Variants in TENM4 observed in about 807,000 individuals in gnomAD.
TENM4 encodes the protein teneurin-4.
Under a neutral mutation model 243.3 loss-of-function variants are expected in TENM4, and 82 were observed. The ratio of observed to expected loss-of-function variants is 0.34; its 90% CI spans 0.28 to 0.40. The LOEUF is 0.40. Ranked by LOEUF, TENM4 falls within the 10% of genes least tolerant of loss-of-function variation. The pLI, the probability that TENM4 is intolerant of heterozygous loss-of-function variation, is 1.00. For synonymous variants in TENM4, 1,412 were observed against 1,456.3 expected (o/e 0.97, Z 0.69); for missense variants, 3,138 against 3,673.3 (o/e 0.85, Z 3.77).
At chr11:78,709,261 G>A (rs1002028243) in intron 26 of TENM4, among the ~76,000 whole-genome samples, 2 of 151,634 alleles carry the variant, frequency 1.3e-5, no homozygotes, top group Non-Finnish European at 2.9e-5. Flanking sequence ...CACCATGCCC[G>A]GCCCGTCCTT....
chr11:78,877,767 C>A (rs1332777140), intron 9 of TENM4, among the ~76,000 whole-genome samples: 4 of 152,176 alleles, frequency 2.6e-5, no homozygotes, highest in African/African-American at 9.7e-5. Context: ...TTTCCAAACT[C>A]AGAAACTGCT....
At chr11:78,928,814 A>G (rs1856607657) in intron 6 of TENM4, among the ~76,000 whole-genome samples, 1 of 152,250 alleles carries the variant, frequency 6.6e-6, no homozygotes, top group Non-Finnish European at 1.5e-5. Flanking sequence ...TCTAGGTGCC[A>G]TCACTTACTA....
At chr11:78,897,534 C>G (rs1408975358) in intron 7 of TENM4, among the ~76,000 whole-genome samples, 2 of 152,172 alleles carry the variant, frequency 1.3e-5, no homozygotes, top group Non-Finnish European at 2.9e-5. Flanking sequence ...AGTAAGGGCT[C>G]TCTCTACTGC....
chr11:79,239,845 A>G (rs1864554694), intron 2 of TENM4, among the ~76,000 whole-genome samples: 1 of 152,186 alleles, frequency 6.6e-6, no homozygotes, highest in African/African-American at 2.4e-5. Context: ...AAGATAGGAA[A>G]GACCACGCGC....
chr11:78,746,517 A>G (rs1352410007), intron 19 of TENM4, among the ~76,000 whole-genome samples: 1 of 152,234 alleles, frequency 6.6e-6, no homozygotes, highest in Non-Finnish European at 1.5e-5. Flanking sequence ...GTCCTCTCCC[A>G]TAGGAATCTT....
intron 6 of TENM4, among the ~76,000 whole-genome samples, chr11:79,050,452 T>A (rs563691500): frequency 6.6e-6 from 1 of 152,300 alleles, no homozygotes; most frequent in South Asian, 2.1e-4. Flanking sequence ...TCACTTCTAA[T>A]TGCTGTCTAA....
intron 15 of TENM4, among the ~76,000 whole-genome samples, chr11:78,797,792 T>C (rs573039792): frequency 1.3e-5 from 2 of 152,378 alleles, no homozygotes; most frequent in Admixed American, 1.3e-4. Flanking sequence ...GATTTCAGGC[T>C]ATCACTTGCT....
intron 1 of TENM4, among the ~76,000 whole-genome samples, chr11:79,311,310 G>A (rs1856717932): frequency 6.6e-6 from 1 of 152,180 alleles, no homozygotes; most frequent in Non-Finnish European, 1.5e-5. Context: ...CTGTGCCTAT[G>A]CCTCACAGGA....
At chr11:79,040,847 T>C (rs1859504949) in intron 6 of TENM4, among the ~76,000 whole-genome samples, 1 of 152,170 alleles carries the variant, frequency 6.6e-6, no homozygotes, top group Admixed American at 6.5e-5. Flanking sequence ...AAGAAGCACC[T>C]GGGAAGTTTA....
At chr11:78,990,938 T>A (rs1858027668) in intron 6 of TENM4, among the ~76,000 whole-genome samples, 1 of 152,228 alleles carries the variant, frequency 6.6e-6, no homozygotes, top group African/African-American at 2.4e-5. Flanking sequence ...GAAATACACA[T>A]GAGCAATAAT....
intron 3 of TENM4, among the ~76,000 whole-genome samples, chr11:79,213,583 G>A (rs991322712): frequency 6.6e-6 from 1 of 152,178 alleles, no homozygotes; most frequent in Non-Finnish European, 1.5e-5. Context: ...CAATTTAGAT[G>A]AGTTTGATGG....
intron 12 of TENM4, among the ~76,000 whole-genome samples, chr11:78,852,190 A>G (rs1476230373): frequency 3.9e-5 from 6 of 152,220 alleles, no homozygotes; most frequent in Non-Finnish European, 5.9e-5. Context: ...GTACAAAGTG[A>G]TAATTTCTAC....
intron 4 of TENM4, among the ~76,000 whole-genome samples, chr11:79,145,098 A>T (rs188720830): frequency 2.4e-3 from 364 of 152,160 alleles, no homozygotes; most frequent in African/African-American, 8.5e-3. Context: ...AAAAAAATTT[A>T]AAAAAGAAAT....
intron 2 of TENM4, among the ~76,000 whole-genome samples, chr11:79,249,421 C>T (rs1285926896): frequency 6.6e-6 from 1 of 152,132 alleles, no homozygotes; most frequent in African/African-American, 2.4e-5. Context: ...CAGCATAACC[C>T]CTCACCAGCA....
chr11:78,707,404 A>G (rs901843474), intron 27 of TENM4, among the ~76,000 whole-genome samples: 8 of 152,258 alleles, frequency 5.3e-5, no homozygotes, highest in Admixed American at 2.0e-4. Flanking sequence ...TTTTTGACCT[A>G]TAATGGGTTC....
Position 79,180,760 on chromosome 11 carries a change from C to A in TENM4, c.-162-31954G>T, listed in dbSNP as rs988306484. Among the ~76,000 whole-genome samples, 7 of 151,392 alleles carry A rather than the reference C, an allele frequency of 4.6e-5. 1 individual carries two copies. Among genetic ancestry groups the A allele is most frequent in the Non-Finnish European group, 8.9e-5 (6 of 67,676 alleles). Reference sequence around the variant, plus strand: ...TTGGGATGCTGAGGCAGGAGGATCCCTTGAGCCTAAGAGCTCAAGACCAGC... The same window carrying A: ...TTGGGATGCTGAGGCAGGAGGATCCATTGAGCCTAAGAGCTCAAGACCAGC... On this transcript the variant is annotated intron_variant, in intron 3 of 33. Transcript: ENST00000278550.
intron 4 of TENM4, among the ~76,000 whole-genome samples, chr11:79,118,924 AAG>A (rs1431368705): frequency 2.0e-5 from 3 of 152,154 alleles, no homozygotes; most frequent in African/African-American, 7.2e-5. Context: ...TTCCACTCAG[AAG>A]TACAATTGCT....
intron 7 of TENM4, among the ~76,000 whole-genome samples, chr11:78,893,604 C>T (rs1855715258): frequency 6.6e-6 from 1 of 152,056 alleles, no homozygotes; most frequent in African/African-American, 2.4e-5. Context: ...CTTGGCTTTC[C>T]TCTGCCTCCC....
chr11:78,849,387 T>A (rs1300682010), intron 12 of TENM4, among the ~76,000 whole-genome samples: 1 of 152,218 alleles, frequency 6.6e-6, no homozygotes, highest in Non-Finnish European at 1.5e-5. Context: ...ATAGTAACCG[T>A]GACAAATAGT....
Sources: allele counts gnomAD v4.1 joint callset (sites outside exome capture counted in the v4.1 genomes callset), GRCh38; gene constraint gnomAD v4.1.1; transcripts MANE v1.5; gene names NCBI Gene and HGNC (gene_info 2026-07-23, HGNC 2026-07-21).